CSMD3: variants seen among roughly 807,000 people sequenced by gnomAD.
CSMD3 encodes CUB and Sushi multiple domains 3, also known as CUB and sushi domain-containing protein 3.
CSMD3 carries 177 observed loss-of-function variants against 435.2 expected under a neutral mutation model. The ratio of observed to expected loss-of-function variants is 0.41; its 90% CI spans 0.36 to 0.46. The LOEUF (loss-of-function observed/expected upper bound fraction) is 0.46, where lower values mean the gene tolerates loss of function less well. Among genes scored for constraint, CSMD3 ranks in the 20% least tolerant of loss-of-function variants. CSMD3 has a pLI of 0.34. For missense variants in CSMD3, 4,265 were observed against 4,504.6 expected (o/e 0.95, Z 1.52); for synonymous variants, 1,656 against 1,520.5 (o/e 1.09, Z -2.07).
rs1815928674 is a variant in CSMD3 at position 112,257,562 on chromosome 8, T to C, written c.9863-2135A>G. On this transcript the variant is annotated intron_variant, in intron 61 of 70. Coordinates refer to ENST00000297405, the MANE Select transcript of CSMD3 (RefSeq NM_198123.2). ...ACAAAGACAACATAATACCTAGGAA[T>C]AGAACTTACAAGGGATGTGAAGGAC... Among the ~76,000 whole-genome samples the C allele has an allele frequency of 3.9e-5, 6 of 152,220 alleles. No homozygotes were observed. The South Asian group carries it at 1.2e-3, about 32-fold the overall frequency.
intron 5 of CSMD3, among the ~76,000 whole-genome samples, chr8:113,035,728 G>A (rs891719187): frequency 6.6e-6 from 1 of 151,822 alleles, no homozygotes; most frequent in Non-Finnish European, 1.5e-5. Flanking sequence ...ACTGTGCTTA[G>A]AGGCATAAAA....
chr8:112,551,258 A>T (rs1405071947), intron 26 of CSMD3, among the ~76,000 whole-genome samples: 1 of 152,082 alleles, frequency 6.6e-6, no homozygotes, highest in Non-Finnish European at 1.5e-5. Context: ...AAATATGAAT[A>T]ATTTTTATCT....
At chr8:112,615,728 C>T (rs1021617159) in intron 22 of CSMD3, among the ~76,000 whole-genome samples, 1 of 151,988 alleles carries the variant, frequency 6.6e-6, no homozygotes, top group African/African-American at 2.4e-5. Flanking sequence ...TATTCTGGAG[C>T]AGTTTTGTGG....
At chr8:112,894,896 T>C (rs890815678) in intron 10 of CSMD3, among the ~76,000 whole-genome samples, 10 of 151,250 alleles carry the variant, frequency 6.6e-5, no homozygotes, top group African/African-American at 2.4e-4. Context: ...GTATTTATCA[T>C]AGATAAGCAA....
intron 53 of CSMD3, among the ~76,000 whole-genome samples, chr8:112,297,139 C>A: frequency 6.8e-6 from 1 of 146,880 alleles, no homozygotes. Context: ...GAAATTCAAG[C>A]TTTTAATGGG....
intron 1 of CSMD3, among the ~76,000 whole-genome samples, chr8:113,380,648 A>G (rs2094411037): frequency 6.6e-6 from 1 of 152,186 alleles, no homozygotes; most frequent in African/African-American, 2.4e-5. Flanking sequence ...TTGAACAATA[A>G]CCTTCCATAA....
chr8:113,118,892 C>CGCTCTT (rs2131627074), intron 4 of CSMD3, among the ~76,000 whole-genome samples: 1 of 152,206 alleles, frequency 6.6e-6, no homozygotes, highest in African/African-American at 2.4e-5. Context: ...GATTTCATTT[C>CGCTCTT]GCTCTTGCTA....
chr8:112,940,657 C>T (rs1236205793), intron 9 of CSMD3, among the ~76,000 whole-genome samples: 1 of 151,752 alleles, frequency 6.6e-6, no homozygotes, highest in Non-Finnish European at 1.5e-5. Context: ...TCAAAACACA[C>T]CTGCTGGGAC....
At chr8:112,271,499 A>G (rs1332852020) in intron 59 of CSMD3, among the ~76,000 whole-genome samples, 1 of 152,098 alleles carries the variant, frequency 6.6e-6, no homozygotes, top group African/African-American at 2.4e-5. Context: ...AAAGCAAGAA[A>G]ACTAAATGGA....
chr8:112,669,744 G>A (rs1286046941), intron 16 of CSMD3, among the ~76,000 whole-genome samples: 1 of 152,058 alleles, frequency 6.6e-6, no homozygotes, highest in African/African-American at 2.4e-5. Context: ...GTGTGCCTGT[G>A]TGGCATTTGT....
chr8:113,408,701 A>C (rs1017508246), intron 1 of CSMD3, among the ~76,000 whole-genome samples: 2 of 148,860 alleles, frequency 1.3e-5, no homozygotes, highest in Non-Finnish European at 3.0e-5. Context: ...TCTGTTGTTC[A>C]GGTTGGCGTG....
At chr8:112,545,395 A>G (rs1280479077) in intron 27 of CSMD3, among the ~76,000 whole-genome samples, 2 of 145,152 alleles carry the variant, frequency 1.4e-5, no homozygotes, top group Non-Finnish European at 3.0e-5. Flanking sequence ...AGGCAGGAGA[A>G]TTGCTTGAGC....
chr8:112,299,808 C>G (rs1482937535), intron 53 of CSMD3, among the ~76,000 whole-genome samples: 2 of 151,928 alleles, frequency 1.3e-5, no homozygotes, highest in Non-Finnish European at 2.9e-5. Flanking sequence ...CTACCAACAT[C>G]CTTTTGCATT....
At chr8:112,688,711 A>C (rs1253014622) in intron 14 of CSMD3, among the ~76,000 whole-genome samples, 17 of 151,984 alleles carry the variant, frequency 1.1e-4, no homozygotes, top group Admixed American at 1.1e-3. Flanking sequence ...TGTATTTCCA[A>C]GTTAGTTATT....
chr8:112,940,677 G>C (rs1278469949), intron 9 of CSMD3, among the ~76,000 whole-genome samples: 1 of 151,724 alleles, frequency 6.6e-6, no homozygotes. Flanking sequence ...CTATCACCTA[G>C]GAGAGTAGAG....
chr8:112,729,711 T>TC (rs1321206010), intron 13 of CSMD3, among the ~76,000 whole-genome samples: 1 of 152,058 alleles, frequency 6.6e-6, no homozygotes, highest in Non-Finnish European at 1.5e-5. Context: ...GATTATTTTT[T>TC]CCTCTCTCTT....
chr8:112,913,890 G>A (rs1192448237), intron 10 of CSMD3, among the ~76,000 whole-genome samples: 10 of 151,636 alleles, frequency 6.6e-5, no homozygotes, highest in Admixed American at 2.6e-4. Context: ...GTCTTTGAAC[G>A]GAATGCACCA....
intron 7 of CSMD3, among the ~76,000 whole-genome samples, chr8:112,957,827 C>A (rs1417092347): frequency 1.3e-5 from 2 of 152,186 alleles, no homozygotes; most frequent in Non-Finnish European, 2.9e-5. Context: ...CTCACTGCAA[C>A]CTCCGCCTCC....
chr8:113,018,873 A>G (rs540440655), intron 6 of CSMD3, 194 bp downstream of exon 6: 1 of 591,878 alleles, frequency 1.7e-6, no homozygotes, highest in African/African-American at 1.9e-5. Context: ...TGAATATTAT[A>G]CTATAAAATC....
Sources: allele counts gnomAD v4.1 joint callset (sites outside exome capture counted in the v4.1 genomes callset), GRCh38; gene constraint gnomAD v4.1.1; transcripts MANE v1.5; gene names NCBI Gene and HGNC (gene_info 2026-07-23, HGNC 2026-07-21).